CACNA1C: variants seen among roughly 807,000 people sequenced by gnomAD.
CACNA1C encodes calcium voltage-gated channel subunit alpha1 C.
In CACNA1C, 30 loss-of-function variants were observed where a neutral mutation model predicts 229.0. The ratio of observed to expected loss-of-function variants is 0.13; its 90% CI spans 0.10 to 0.18. The LOEUF (loss-of-function observed/expected upper bound fraction) is 0.18, where lower values mean the gene tolerates loss of function less well. CACNA1C is among the 10% of genes least tolerant of loss of function. The pLI, the probability that CACNA1C is intolerant of heterozygous loss-of-function variation, is 1.00. For missense variants in CACNA1C, 1,658 were observed against 2,845.0 expected (o/e 0.58, Z 9.49); for synonymous variants, 1,114 against 1,132.5 (o/e 0.98, Z 0.33).
At chr12:1,986,021 G>A (rs1424911870) in intron 1 of CACNA1C, among the ~76,000 whole-genome samples, 1 of 152,162 alleles carries the variant, frequency 6.6e-6, no homozygotes, top group African/African-American at 2.4e-5. Context: ...CACCGTGTTA[G>A]CCAGGATGGT....
chr12:2,277,968 A>G (rs1601866430), intron 3 of CACNA1C, among the ~76,000 whole-genome samples: 1 of 152,122 alleles, frequency 6.6e-6, no homozygotes, highest in South Asian at 2.1e-4. Context: ...ATGGCACACC[A>G]CTCTTAGCAC....
chr12:2,176,750 G>A (rs2096657858), intron 3 of CACNA1C, among the ~76,000 whole-genome samples: 1 of 152,136 alleles, frequency 6.6e-6, no homozygotes, highest in East Asian at 1.9e-4. Flanking sequence ...TCTAAACAAT[G>A]GCTACATGTC....
intron 3 of CACNA1C, among the ~76,000 whole-genome samples, chr12:2,405,237 A>G (rs892325281): frequency 1.3e-5 from 2 of 152,224 alleles, no homozygotes; most frequent in Non-Finnish European, 2.9e-5. Flanking sequence ...CAATAGTCAC[A>G]CCATATGTAC....
intron 3 of CACNA1C, among the ~76,000 whole-genome samples, chr12:2,380,003 C>A (rs2098191461): frequency 7.7e-6 from 1 of 130,620 alleles, no homozygotes. Context: ...TGCACTCCAG[C>A]CTGGGCGACA....
intron 3 of CACNA1C, among the ~76,000 whole-genome samples, chr12:2,437,260 TG>T (rs2099143366): frequency 6.6e-6 from 1 of 151,696 alleles, no homozygotes; most frequent in South Asian, 2.1e-4. Flanking sequence ...AGGGGAAGAG[TG>T]GGGAGGCCTG....
chr12:2,297,545 G>T (rs1194501730), intron 3 of CACNA1C, among the ~76,000 whole-genome samples: 1 of 152,170 alleles, frequency 6.6e-6, no homozygotes, highest in Non-Finnish European at 1.5e-5. Flanking sequence ...GATGCTAGGG[G>T]GTCGTTTCTG....
chr12:2,686,322 C>A (rs2097485204), intron 45 of CACNA1C, 53 bp downstream of exon 45: 1 of 1,353,514 alleles, frequency 7.4e-7, no homozygotes, highest in East Asian at 2.3e-5. Context: ...GCCAGACAGT[C>A]CCCAGGGTGA....
Position 2,597,537 on chromosome 12 carries a change from G to A in CACNA1C, c.2853+248G>A. On this transcript the variant is annotated intron_variant, in intron 21 of 46. Transcript: ENST00000399655. The surrounding 1 kb of genome is among the most constrained non-coding windows in gnomAD (Gnocchi z 4.3). ...CAATGCATCCTCTGTCGCTTTCTTT[G>A]TCTATCTCTGCTCTGTGTGGCTGGA... The A allele has an allele frequency of 8.2e-7, 1 of 1,219,464 alleles. No homozygotes were observed. The highest frequency in any genetic ancestry group is 1.2e-6 in the Non-Finnish European group (1 of 820,242). The allele number at this position is 1,219,464 out of a possible 1,614,324, so 75.5% of individuals were successfully genotyped here.
intron 5 of CACNA1C, among the ~76,000 whole-genome samples, chr12:2,466,017 C>CTG (rs1228476996): frequency 2.0e-5 from 3 of 152,132 alleles, no homozygotes; most frequent in African/African-American, 7.2e-5. Context: ...GAAAACTCAC[C>CTG]TGAGTGCCAA....
rs1312955311 is a variant in CACNA1C, at chr12:2,639,954, A to C, written c.3912+5574A>C. ...AACACTGGCCCTGGAGCTTCTGGGCACAGCTCTCAGGAGGAATTGCTGGAG... is the reference window on the plus strand; with the variant it reads ...AACACTGGCCCTGGAGCTTCTGGGCCCAGCTCTCAGGAGGAATTGCTGGAG... On this transcript the variant is annotated intron_variant, in intron 30 of 46. Transcript: ENST00000399655. The surrounding 1 kb of genome is among the most constrained non-coding windows in gnomAD (Gnocchi z 4.2). 3.3e-5 allele frequency among the ~76,000 whole-genome samples: 5 copies of C among 152,172 alleles called. No individual in the cohort carries two copies. Among genetic ancestry groups the C allele is most frequent in the African/African-American group, 9.7e-5 (4 of 41,440 alleles).
chr12:2,071,172 C>CCTTCCTT (rs2061184795), intron 1 of CACNA1C, among the ~76,000 whole-genome samples: 2 of 16,046 alleles, frequency 1.2e-4, no homozygotes, highest in African/African-American at 7.8e-4. Flanking sequence ...CTCCCTCCCT[C>CCTTCCTT]CCTGCCTGCC....
intron 3 of CACNA1C, among the ~76,000 whole-genome samples, chr12:2,328,127 T>C (rs1170528728): frequency 6.6e-6 from 1 of 152,208 alleles, no homozygotes; most frequent in Admixed American, 6.5e-5. Flanking sequence ...CTGGCTCCTT[T>C]TCTCCCCGTG....
intron 7 of CACNA1C, among the ~76,000 whole-genome samples, chr12:2,494,925 T>C (rs1463360199): frequency 1.3e-5 from 2 of 152,150 alleles, no homozygotes; most frequent in Non-Finnish European, 2.9e-5. Context: ...GCTCCTAGGC[T>C]CTGAGGATTC....
intron 29 of CACNA1C, among the ~76,000 whole-genome samples, chr12:2,616,642 A>T (rs2080762061): frequency 6.6e-6 from 1 of 152,112 alleles, no homozygotes; most frequent in Admixed American, 6.5e-5. Context: ...GCACCCAGAC[A>T]CTCTTTTCCA....
chr12:2,577,961 C>T lies in CACNA1C; in HGVS notation c.1896-3629C>T, dbSNP rs61210624. Among the ~76,000 whole-genome samples, 794 of 151,510 alleles carry T rather than the reference C, an allele frequency of 5.2e-3. 9 individuals are homozygous for T. The highest frequency in any genetic ancestry group is 0.018 in the African/African-American group (731 of 41,294). ...TCGGCTCACTGCAAGCTCCGCCTCCCGGGTTCACGCCATTCTCCTGCCTCA... is the reference window on the plus strand; with the variant it reads ...TCGGCTCACTGCAAGCTCCGCCTCCTGGGTTCACGCCATTCTCCTGCCTCA... On this transcript the variant is annotated intron_variant, in intron 13 of 46. Coordinates refer to ENST00000399655, the MANE Select transcript of CACNA1C (RefSeq NM_000719.7).
chr12:2,499,647 C>A (rs2099754543), intron 7 of CACNA1C, among the ~76,000 whole-genome samples: 2 of 152,182 alleles, frequency 1.3e-5, no homozygotes. Flanking sequence ...AAGGCAGGGG[C>A]CGTCCTGCCA....
chr12:2,353,367 G>A (rs529081082), intron 3 of CACNA1C, among the ~76,000 whole-genome samples: 3 of 152,208 alleles, frequency 2.0e-5, no homozygotes, highest in Non-Finnish European at 2.9e-5. Context: ...CCCCCTGGCC[G>A]TGCTCTTATC....
chr12:2,598,021 T>C lies in CACNA1C; in HGVS notation c.2853+732T>C, dbSNP rs141438438. Among the ~76,000 whole-genome samples, 365 of 152,348 alleles carry C rather than the reference T, an allele frequency of 2.4e-3. 3 individuals carry two copies. Among genetic ancestry groups the C allele is most frequent in the African/African-American group, 8.3e-3 (347 of 41,588 alleles). On this transcript the variant is annotated intron_variant, in intron 21 of 46. Transcript: ENST00000399655. ...ATTGGGTCTAAGCTGGAGTTGGGGCTGTGTCACAGTGATCACAGGCCTACT... is the reference window on the plus strand; with the variant it reads ...ATTGGGTCTAAGCTGGAGTTGGGGCCGTGTCACAGTGATCACAGGCCTACT...
At chr12:2,503,830 T>C (rs1044350191) in intron 7 of CACNA1C, among the ~76,000 whole-genome samples, 8 of 152,186 alleles carry the variant, frequency 5.3e-5, no homozygotes, top group African/African-American at 1.9e-4. Flanking sequence ...ACAGGACCCT[T>C]CTCTGAATAC....
Sources: gnomAD v4.1 joint callset for allele counts (sites outside exome capture counted in the v4.1 genomes callset) on GRCh38, gnomAD v4.1.1 for gene constraint, Gnocchi (gnomAD v3.1) non-coding constraint, MANE v1.5 for transcripts, NCBI Gene and HGNC (gene_info 2026-07-23, HGNC 2026-07-21) for gene names.